CTIF: variants seen among roughly 807,000 people sequenced by gnomAD.
CTIF encodes the protein CBP80/20-dependent translation initiation factor.
A neutral mutation model predicts 66.0 loss-of-function variants in CTIF; 21 were observed. That is an observed-to-expected ratio of 0.32 (90% CI 0.23 to 0.46). The LOEUF is 0.46. Among genes scored for constraint, CTIF ranks in the 20% least tolerant of loss-of-function variants. The probability of loss-of-function intolerance (pLI) is 1.00; values close to 1 mark genes in which losing one functional copy is unlikely to be tolerated. For synonymous variants in CTIF, 345 were observed against 326.4 expected (o/e 1.06, Z -0.62); for missense variants, 739 against 812.7 (o/e 0.91, Z 1.10).
At chr18:48,687,609 A>AGCCC (rs2091863459) in intron 6 of CTIF, among the ~76,000 whole-genome samples, 1 of 152,154 alleles carries the variant, frequency 6.6e-6, no homozygotes, top group Non-Finnish European at 1.5e-5. Context: ...AAGCCTCCAG[A>AGCCC]GCCCTGGGAG....
intron 6 of CTIF, among the ~76,000 whole-genome samples, chr18:48,709,044 A>C (rs2092194048): frequency 6.6e-6 from 1 of 152,246 alleles, no homozygotes; most frequent in African/African-American, 2.4e-5. Context: ...TGTACCAAGC[A>C]TTATCCTATG....
chr18:48,774,307 A>G (rs1910461846), intron 9 of CTIF, among the ~76,000 whole-genome samples: 1 of 152,194 alleles, frequency 6.6e-6, no homozygotes, highest in African/African-American at 2.4e-5. Flanking sequence ...AGTCTGCGTC[A>G]TGCTGGCTCA....
chr18:48,539,044 C>T lies in CTIF; in HGVS notation c.-297C>T, dbSNP rs1300280514. 1.3e-5 allele frequency: 2 copies of T among 152,338 alleles called. No individual in the cohort carries two copies. The highest frequency in any genetic ancestry group is 2.9e-5 in the Non-Finnish European group (2 of 68,116). 9.4% of individuals were successfully genotyped at this position (152,338 alleles called of 1,614,324 possible). ...GGCCTGAACGTCACTCTCCTACATT[C>T]TCTTTCCCTGTGTCAGATCAGGGAT... On this transcript the variant is annotated 5_prime_UTR_variant, in exon 1 of 12. Coordinates refer to ENST00000256413, the MANE Select transcript of CTIF (RefSeq NM_014772.3).
At chr18:48,693,323 T>C (rs376399522) in intron 6 of CTIF, among the ~76,000 whole-genome samples, 3 of 152,132 alleles carry the variant, frequency 2.0e-5, no homozygotes, top group African/African-American at 7.2e-5. Flanking sequence ...AAATACTCAC[T>C]TTTTCTCCTT....
At chr18:48,725,934 G>A (rs77158567) in intron 7 of CTIF, among the ~76,000 whole-genome samples, 3,638 of 152,240 alleles carry the variant, frequency 0.024, 48 homozygotes, top group Middle Eastern at 0.071. Flanking sequence ...CCAGCCTAAT[G>A]TGTAGGTGGT....
At chr18:48,740,855 G>T (rs960739447) in intron 7 of CTIF, among the ~76,000 whole-genome samples, 1 of 152,178 alleles carries the variant, frequency 6.6e-6, no homozygotes, top group East Asian at 1.9e-4. Context: ...TGTTTTATTT[G>T]TAATATTTAT....
intron 2 of CTIF, among the ~76,000 whole-genome samples, chr18:48,625,779 T>C (rs983003148): frequency 6.6e-6 from 1 of 152,202 alleles, no homozygotes; most frequent in Non-Finnish European, 1.5e-5. Context: ...AGGTTACTTC[T>C]AAATTTTCCC....
At chr18:48,608,662 CA>C (rs2090251280) in intron 1 of CTIF, among the ~76,000 whole-genome samples, 1 of 152,210 alleles carries the variant, frequency 6.6e-6, no homozygotes, top group Admixed American at 6.5e-5. Context: ...TTCTGCCTTG[CA>C]ACCATAGCAC....
In CTIF at chr18:48,761,768, C is replaced by A. The variant is rs910432088; in HGVS notation, c.1371+79C>A. The stretch of plus-strand genomic sequence containing the variant: ...TGAGTTATTCCTAGCGAGAAGGCTG[C>A]GAGTTCTGGCCACAGTTGGACTTTT... On this transcript the variant is annotated intron_variant, in intron 9 of 11. Transcript: ENST00000256413. The surrounding 1 kb of genome is among the most constrained non-coding windows in gnomAD (Gnocchi z 4.2). 7.3e-6 allele frequency: 10 copies of A among 1,372,206 alleles called. No homozygotes were observed. The highest frequency in any genetic ancestry group is 1.0e-5 in the Non-Finnish European group (10 of 998,602). 85.0% of individuals were successfully genotyped at this position (1,372,206 alleles called of 1,614,324 possible). A position where few individuals can be genotyped will look rare whatever the true frequency, so the allele number is the denominator to read the frequency against.
intron 6 of CTIF, among the ~76,000 whole-genome samples, chr18:48,674,025 C>T (rs1041818612): frequency 4.2e-4 from 64 of 152,194 alleles, no homozygotes; most frequent in African/African-American, 1.5e-3. Flanking sequence ...TGCAGGGGAG[C>T]GGGAAGAAGG....
chr18:48,788,871 G>T (rs2067733500), intron 9 of CTIF, among the ~76,000 whole-genome samples: 1 of 152,140 alleles, frequency 6.6e-6, no homozygotes, highest in Admixed American at 6.5e-5. Flanking sequence ...GGACACGGAT[G>T]CTAGAAAGGT....
intron 6 of CTIF, among the ~76,000 whole-genome samples, chr18:48,708,341 G>A (rs2092184840): frequency 6.6e-6 from 1 of 152,202 alleles, no homozygotes; most frequent in African/African-American, 2.4e-5. Context: ...CTTGTTTTGG[G>A]AGGAGTGTAG....
intron 9 of CTIF, among the ~76,000 whole-genome samples, chr18:48,764,393 G>A (rs1440566415): frequency 6.6e-6 from 1 of 152,226 alleles, no homozygotes; most frequent in African/African-American, 2.4e-5. Flanking sequence ...AAACTGGGGT[G>A]CGTGCCGTTA....
intron 6 of CTIF, among the ~76,000 whole-genome samples, chr18:48,677,272 C>T (rs2091646756): frequency 6.6e-6 from 1 of 152,154 alleles, no homozygotes; most frequent in Admixed American, 6.5e-5. Context: ...CCATGTCACC[C>T]GTGGTCCCAC....
At chr18:48,721,510 C>G (rs1489602274) in intron 7 of CTIF, among the ~76,000 whole-genome samples, 1 of 152,220 alleles carries the variant, frequency 6.6e-6, no homozygotes, top group African/African-American at 2.4e-5. Context: ...CAGCCCAGCC[C>G]TCCCCGGGGA....
At chr18:48,660,600 T>G (rs35843891) in intron 3 of CTIF, among the ~76,000 whole-genome samples, 12,898 of 152,284 alleles carry the variant, frequency 0.085, 597 homozygotes, top group Middle Eastern at 0.12. Flanking sequence ...AAGTTTGCCC[T>G]GCCCAGTCAC....
Position 48,749,602 on chromosome 18 carries a change from A to G in CTIF, c.585-8317A>G, listed in dbSNP as rs1907600131. Among the ~76,000 whole-genome samples the G allele has an allele frequency of 2.6e-5, 4 of 152,212 alleles. No individual in the cohort carries two copies. In the South Asian group the frequency reaches 8.3e-4, roughly 32 times the overall value. On this transcript the variant is annotated intron_variant, in intron 7 of 11. Coordinates refer to ENST00000256413, the MANE Select transcript of CTIF (RefSeq NM_014772.3). ...CTTGGAAAACCCATGGCATAATAAT[A>G]TTACAAACAAACACTAATATAGCAC...
intron 6 of CTIF, among the ~76,000 whole-genome samples, chr18:48,672,588 G>C (rs2091553893): frequency 1.3e-5 from 2 of 152,254 alleles, no homozygotes; most frequent in Admixed American, 1.3e-4. Flanking sequence ...AGATAAGCGG[G>C]CTTCCTAGAG....
At chr18:48,621,941 A>T (rs2144443732) in intron 2 of CTIF, among the ~76,000 whole-genome samples, 1 of 152,330 alleles carries the variant, frequency 6.6e-6, no homozygotes, top group South Asian at 2.1e-4. Context: ...ATCCACAATG[A>T]CAGGAGGGAG....
Sources: allele counts gnomAD v4.1 joint callset (sites outside exome capture counted in the v4.1 genomes callset), GRCh38; gene constraint gnomAD v4.1.1; non-coding constraint Gnocchi (gnomAD v3.1); transcripts MANE v1.5; gene names NCBI Gene and HGNC (gene_info 2026-07-23, HGNC 2026-07-21).